The following FOXN4 variants were observed in gnomAD, a reference collection of about 807,000 sequenced individuals.
The protein encoded by FOXN4 is forkhead box protein N4.
Under a neutral mutation model 45.0 loss-of-function variants are expected in FOXN4, and 12 were observed. The ratio of observed to expected loss-of-function variants is 0.27; its 90% confidence interval spans 0.17 to 0.43. The LOEUF is 0.43. Among genes scored for constraint, FOXN4 ranks in the 20% least tolerant of loss-of-function variants. FOXN4 has a pLI of 1.00. For synonymous variants in FOXN4, 297 were observed against 295.0 expected (o/e 1.01, Z -0.07); for missense variants, 560 against 694.9 (o/e 0.81, Z 2.18).
intron 2 of FOXN4, among the ~76,000 whole-genome samples, chr12:109,292,316 C>T (rs1361575578): frequency 1.3e-5 from 2 of 152,074 alleles, no homozygotes; most frequent in South Asian, 2.1e-4. Context: ...CCTGAGTAGT[C>T]GGGGGGAGGG....
At position 109,290,980 on chromosome 12, in the gene FOXN4, G is replaced by A. The variant is rs900566675; in HGVS notation, c.87-694C>T. ...CCCCTCGTACAGATGAGAAAACTGA[G>A]GCTTGGAGCACCGAGTCACCTGCCC... is the stretch of plus-strand genomic sequence containing the variant. On this transcript the variant is annotated intron_variant, in intron 2 of 9. Transcript: ENST00000299162. This position sits in a 1 kb window ranked among gnomAD's most constrained non-coding sequence, Gnocchi z 5.1. Among the ~76,000 whole-genome samples the A allele has an allele frequency of 2.0e-5, 3 of 152,144 alleles. No homozygotes were observed. The highest frequency in any genetic ancestry group is 4.4e-5 in the Non-Finnish European group (3 of 68,022).
rs760454405 is a variant in FOXN4 at position 109,285,380 on chromosome 12, G to T, written c.825C>A (p.Ile275=). Residue 275 remains isoleucine, a synonymous_variant, in exon 8 of 10, where the codon ATC becomes ATA. Transcript: ENST00000299162. ...GCLWALNLAR[I]DKMEEEMHKW... ...TGTGCATCTCCTCCTCCATCTTGTC[G>T]ATGCGGGCCAGGTTCAGAGCCCACA... 8.1e-6 allele frequency: 13 copies of T among 1,613,768 alleles called. No individual in the cohort carries two copies. The highest frequency in any genetic ancestry group is 1.6e-4 in the Middle Eastern group (1 of 6,084).
Position 109,292,093 on chromosome 12 carries a change from G to A in FOXN4, c.87-1807C>T, listed in dbSNP as rs543490642. 3.9e-5 allele frequency among the ~76,000 whole-genome samples: 6 copies of A among 152,296 alleles called. No homozygotes were observed. In the South Asian group the frequency reaches 6.2e-4, roughly 16 times the overall value. Reference sequence around the variant, plus strand: ...AGGGGCAGGGCCTGCTATGCCACCCGCTGTTGGGGGTGCTGGCCAGTCCTC... The same window carrying A: ...AGGGGCAGGGCCTGCTATGCCACCCACTGTTGGGGGTGCTGGCCAGTCCTC... On this transcript the variant is annotated intron_variant, in intron 2 of 9. Transcript: ENST00000299162.
Position 109,283,613 on chromosome 12 carries a change from T to A in FOXN4, c.901+1691A>T, listed in dbSNP as rs533224120. On this transcript the variant is annotated intron_variant, in intron 8 of 9. Coordinates refer to ENST00000299162, the MANE Select transcript of FOXN4 (RefSeq NM_213596.3). The stretch of plus-strand genomic sequence containing the variant: ...GCCTCAGCCTCCTAAGTAGCTGGGA[T>A]TACAGGCACCTGCCACCATGCCTGG... 3.3e-5 allele frequency among the ~76,000 whole-genome samples: 5 copies of A among 152,038 alleles called. No individual in the cohort carries two copies. The South Asian group carries it at 1.0e-3, about 32-fold the overall frequency.
rs765806216 is a variant in FOXN4, at chr12:109,290,221, G to C, written c.152C>G (p.Ala51Gly). ...CTGCTGCAGCCGAGGCACATCCACC[G>C]CCGTGAGCCACGACAGCGACTGCAG... Reference protein sequence around the residue: ...GDLQSLSWLTAVDVPRLQQMA... With the variant: ...GDLQSLSWLTGVDVPRLQQMA... The change falls in exon 3 of 10, where the codon GCG becomes GGG. Residue 51 changes from alanine to glycine, a missense_variant. Physicochemically the swap from Ala to Gly is moderately conservative, Grantham distance 60 (BLOSUM62 0). Coordinates refer to ENST00000299162, the MANE Select transcript of FOXN4 (RefSeq NM_213596.3). The surrounding 1 kb of genome is among the most constrained non-coding windows in gnomAD (Gnocchi z 5.1). 5.2e-6 allele frequency: 8 copies of C among 1,551,440 alleles called. No individual in the cohort carries two copies. Among genetic ancestry groups the C allele is most frequent in the Non-Finnish European group, 7.0e-6 (8 of 1,146,930 alleles).
intron 2 of FOXN4, among the ~76,000 whole-genome samples, chr12:109,295,292 A>C (rs1233265093): frequency 1.3e-5 from 2 of 152,150 alleles, no homozygotes; most frequent in African/African-American, 4.8e-5. Context: ...GACATTTTTA[A>C]TTCAAAGAAA....
intron 6 of FOXN4, 92 bp from the exon 7 acceptor site, chr12:109,286,836 T>G (rs1199980008): frequency 3.4e-6 from 5 of 1,482,342 alleles, no homozygotes; most frequent in Admixed American, 2.3e-5. Flanking sequence ...ATGCCGCCTC[T>G]GCCAGGAAGC....
Position 109,279,946 on chromosome 12 carries a change from G to A in FOXN4, c.1295-16C>T. On this transcript the variant is annotated splice_polypyrimidine_tract_variant and intron_variant, in intron 9 of 9. Transcript: ENST00000299162. ...CACAGGTTCCCTTTCAAAGACAAAA[G>A]CATTAGGGTGAGCTGGCTTCCCATC... The A allele has an allele frequency of 1.2e-6, 2 of 1,612,594 alleles. No homozygotes were observed. Among genetic ancestry groups the A allele is most frequent in the South Asian group, 1.1e-5 (1 of 91,060 alleles).
chr12:109,299,746 A>T (rs1386853596), intron 2 of FOXN4, among the ~76,000 whole-genome samples: 1 of 152,222 alleles, frequency 6.6e-6, no homozygotes, highest in Non-Finnish European at 1.5e-5. Context: ...TCAGTGTCAG[A>T]ATAACACTCT....
chr12:109,295,884 T>C (rs1253520351), intron 2 of FOXN4, among the ~76,000 whole-genome samples: 1 of 152,212 alleles, frequency 6.6e-6, no homozygotes, highest in Non-Finnish European at 1.5e-5. Context: ...TCACTGTAAC[T>C]GAGGGGCCCT....
At chr12:109,280,829 G>A (rs1264255933) in intron 9 of FOXN4, among the ~76,000 whole-genome samples, 5 of 152,176 alleles carry the variant, frequency 3.3e-5, no homozygotes, top group South Asian at 2.1e-4. Context: ...CATTCATCAC[G>A]TCCCATTTAT....
In FOXN4 at chr12:109,278,551, G is replaced by T. The variant is rs1016284411; in HGVS notation, c.*1120C>A. 6.6e-6 allele frequency: 1 copy of T among 152,216 alleles called. No homozygotes were observed. Among genetic ancestry groups the T allele is most frequent in the Non-Finnish European group, 1.5e-5 (1 of 68,058 alleles). The allele number at this position is 152,216 out of a possible 1,614,324, so 9.4% of individuals were successfully genotyped here. Reference sequence around the variant, plus strand: ...GAGGAAGTGCCAATAAATATCATGCGTTGAAGTTTTGTCCACCACTTGCCA... The same window carrying T: ...GAGGAAGTGCCAATAAATATCATGCTTTGAAGTTTTGTCCACCACTTGCCA... On this transcript the variant is annotated 3_prime_UTR_variant, in exon 10 of 10. Coordinates refer to ENST00000299162, the MANE Select transcript of FOXN4 (RefSeq NM_213596.3).
At chr12:109,306,865 T>C (rs1357721000) in intron 2 of FOXN4, among the ~76,000 whole-genome samples, 3 of 152,236 alleles carry the variant, frequency 2.0e-5, no homozygotes, top group African/African-American at 2.4e-5. Flanking sequence ...ACTAAATCAC[T>C]TGGCATTATT....
At chr12:109,294,499 A>G (rs2047798254) in intron 2 of FOXN4, among the ~76,000 whole-genome samples, 1 of 151,814 alleles carries the variant, frequency 6.6e-6, no homozygotes, top group Admixed American at 6.5e-5. Context: ...AGGCATCCCA[A>G]AGGTGGTCTG....
At chr12:109,304,227 GAAAGAA>G (rs1338147694) in intron 2 of FOXN4, among the ~76,000 whole-genome samples, 42 of 23,858 alleles carry the variant, frequency 1.8e-3, no homozygotes, top group African/African-American at 7.1e-3. Context: ...GAAAGAGAAA[GAAAGAA>G]AGAAAGAAAG....
At chr12:109,292,039 A>G (rs1417654786) in intron 2 of FOXN4, among the ~76,000 whole-genome samples, 2 of 152,084 alleles carry the variant, frequency 1.3e-5, no homozygotes, top group East Asian at 3.9e-4. Context: ...CTGTCCCCTC[A>G]GGCCCTGGGA....
chr12:109,285,205 G>T, intron 8 of FOXN4, 99 bp downstream of exon 8: 1 of 1,456,980 alleles, frequency 6.9e-7, no homozygotes, highest in Non-Finnish European at 9.3e-7. Flanking sequence ...ACCAGGGTTG[G>T]CCATGCTCTG....
chr12:109,308,516 C>T (rs2136954496), intron 1 of FOXN4, among the ~76,000 whole-genome samples, 192 bp from the exon 2 acceptor site: 1 of 152,216 alleles, frequency 6.6e-6, no homozygotes. Flanking sequence ...AATTCTACAG[C>T]GTTTTAGAAA....
Position 109,290,525 on chromosome 12 carries a change from C to T in FOXN4, c.87-239G>A, listed in dbSNP as rs1317639757. Among the ~76,000 whole-genome samples the T allele has an allele frequency of 6.6e-6, 1 of 152,218 alleles. No individual in the cohort carries two copies. The highest frequency in any genetic ancestry group is 1.5e-5 in the Non-Finnish European group (1 of 68,044). On this transcript the variant is annotated intron_variant, in intron 2 of 9. Transcript: ENST00000299162. This position sits in a 1 kb window ranked among gnomAD's most constrained non-coding sequence, Gnocchi z 5.1. ...CCCACTTAACGCATCCTACTTAGCA[C>T]CTACCACATAAACAATGCACGCGAA...
Sources: allele counts gnomAD v4.1 joint callset (sites outside exome capture counted in the v4.1 genomes callset), GRCh38; gene constraint gnomAD v4.1.1; non-coding constraint Gnocchi (gnomAD v3.1); transcripts MANE v1.5; gene names NCBI Gene and HGNC (gene_info 2026-07-23, HGNC 2026-07-21).